Variants in MDN1 observed in about 807,000 individuals in gnomAD.
MDN1 encodes the protein midasin.
MDN1 carries 266 observed loss-of-function variants against 669.2 expected under a neutral mutation model. That is an observed-to-expected ratio of 0.40 (90% confidence interval 0.36 to 0.44). The LOEUF (loss-of-function observed/expected upper bound fraction) is 0.44. Ranked by LOEUF, MDN1 falls within the 20% of genes least tolerant of loss-of-function variation. MDN1 has a pLI of 1.00. For synonymous variants in MDN1, 2,385 were observed against 2,457.1 expected (o/e 0.97, Z 0.87); for missense variants, 5,940 against 6,754.0 (o/e 0.88, Z 4.22).
At chr6:89,701,845 TCTTATC>T in intron 54 of MDN1, 53 bp downstream of exon 54, 1 of 1,561,604 alleles carries the variant, frequency 6.4e-7, no homozygotes, top group Non-Finnish European at 8.7e-7. Flanking sequence ...CGGTTCCAAA[TCTTATC>T]CTTAACATCT....
Position 89,762,533 on chromosome 6 carries a change from G to A in MDN1, c.2145-3C>T. ...GCTTATGGTCCACCGGTTTATAACT[G>A]AAACAGACACAGGTAAATGTGATTC... On this transcript the variant is annotated splice_polypyrimidine_tract_variant and splice_region_variant and intron_variant, in intron 15 of 101. Coordinates refer to ENST00000369393, the MANE Select transcript of MDN1 (RefSeq NM_014611.3). 1 of 1,602,762 alleles carries A rather than the reference G, an allele frequency of 6.2e-7. No homozygotes were observed. The highest frequency in any genetic ancestry group is 8.5e-7 in the Non-Finnish European group (1 of 1,171,900).
chr6:89,725,166 A>G (rs1289350723), intron 38 of MDN1, 33 bp downstream of exon 38: 1 of 1,599,836 alleles, frequency 6.3e-7, no homozygotes, highest in Non-Finnish European at 8.6e-7. Context: ...CTCCGAGTCT[A>G]TCTTTGGTCT....
At chr6:89,762,989 T>C (rs78604631) in intron 15 of MDN1, among the ~76,000 whole-genome samples, 125 of 152,142 alleles carry the variant, frequency 8.2e-4, no homozygotes, top group African/African-American at 2.9e-3. Context: ...GAAGTAGAGG[T>C]TGCAGTAAGC....
At chr6:89,771,999 G>C (rs904551273) in intron 14 of MDN1, among the ~76,000 whole-genome samples, 2 of 152,088 alleles carry the variant, frequency 1.3e-5, no homozygotes, top group Non-Finnish European at 2.9e-5. Flanking sequence ...GAGCCACTGC[G>C]CCCAGCAATA....
At chr6:89,657,564 T>C (rs1379032679) in intron 90 of MDN1, among the ~76,000 whole-genome samples, 1 of 152,230 alleles carries the variant, frequency 6.6e-6, no homozygotes, top group Non-Finnish European at 1.5e-5. Flanking sequence ...AGGTATACAT[T>C]GCCTGAAGTC....
chr6:89,807,453 C>G (rs910004146), intron 1 of MDN1, among the ~76,000 whole-genome samples: 3 of 152,162 alleles, frequency 2.0e-5, no homozygotes, highest in Non-Finnish European at 4.4e-5. Flanking sequence ...AGTCAGCAGT[C>G]ATTTTTATCT....
chr6:89,761,472 T>C (rs1327442465), intron 17 of MDN1, among the ~76,000 whole-genome samples, 173 bp downstream of exon 17: 2 of 152,216 alleles, frequency 1.3e-5, no homozygotes, highest in Admixed American at 1.3e-4. Flanking sequence ...ATTTAAATAA[T>C]GATGGTGCTC....
intron 66 of MDN1, 123 bp from the exon 67 acceptor site, chr6:89,688,296 A>G: frequency 1.1e-6 from 1 of 900,150 alleles, no homozygotes; most frequent in Non-Finnish European, 1.7e-6. Flanking sequence ...ACCTCTGAAA[A>G]AAAAAACAGA....
chr6:89,772,778 C>G, intron 13 of MDN1, 57 bp from the exon 14 acceptor site: 1 of 1,577,982 alleles, frequency 6.3e-7, no homozygotes, highest in Non-Finnish European at 8.6e-7. Flanking sequence ...CCTAGTTTTG[C>G]TCTGGGAAAC....
At chr6:89,663,768 A>G (rs1031286562) in intron 85 of MDN1, among the ~76,000 whole-genome samples, 6 of 151,756 alleles carry the variant, frequency 4.0e-5, no homozygotes, top group African/African-American at 1.5e-4. Context: ...CCCCGTCTCT[A>G]CTAAAAATAC....
At chr6:89,803,600 G>A in intron 1 of MDN1, 46 bp from the exon 2 acceptor site, 1 of 1,049,612 alleles carries the variant, frequency 9.5e-7, no homozygotes, top group Non-Finnish European at 1.4e-6. Context: ...TTTTTTTTTT[G>A]AGACACAGTC....
In MDN1 at chr6:89,690,833, T is replaced by C; in HGVS notation, c.10589A>G (p.Glu3530Gly). 1 of 1,613,760 alleles carries C rather than the reference T, an allele frequency of 6.2e-7. No homozygotes were observed. Among genetic ancestry groups the C allele is most frequent in the Non-Finnish European group, 8.5e-7 (1 of 1,179,886 alleles). The change falls in exon 64 of 102, where the codon GAA (glutamate) becomes GGA (glycine). Residue 3530 changes from glutamate (E) to glycine (G), a missense_variant and splice_region_variant. By Grantham distance (98) the Glu-to-Gly change is moderately conservative. This residue lies in a region of MDN1 where 2,280 missense variants were observed against 2,576.3 expected (regional missense o/e 0.88). Coordinates refer to ENST00000369393, the MANE Select transcript of MDN1 (RefSeq NM_014611.3). ...ALQLFRHVCQ[E>G]IISEWDEQER... ...CTGCTCATCCCACTCACTGATGATT[T>C]CCTGAAAGTCACACAGACAGAAAGA...
At position 89,771,527 on chromosome 6, in the gene MDN1, C is replaced by T. The variant is rs745751172; in HGVS notation, c.2144+34G>A. Reference sequence around the variant, plus strand: ...TATTTCTTACCTCAAGCAATAAACACAAAAATAAGAAAAAAATTTTAAGCC... The same window carrying T: ...TATTTCTTACCTCAAGCAATAAACATAAAAATAAGAAAAAAATTTTAAGCC... On this transcript the variant is annotated intron_variant, in intron 15 of 101. Coordinates refer to ENST00000369393, the MANE Select transcript of MDN1 (RefSeq NM_014611.3). The T allele has an allele frequency of 3.2e-6, 5 of 1,581,486 alleles. No homozygotes were observed. In the Admixed American group the frequency reaches 5.1e-5, roughly 16 times the overall value.
At chr6:89,815,063 A>T in intron 1 of MDN1, 2 of 478,132 alleles carry the variant, frequency 4.2e-6, no homozygotes, top group Non-Finnish European at 4.0e-6. Context: ...AAGGGAGAGC[A>T]GTGTCTCCCC....
intron 83 of MDN1, among the ~76,000 whole-genome samples, chr6:89,670,170 A>ATTTTTTT (rs766450069): frequency 1.1e-3 from 26 of 23,346 alleles, no homozygotes; most frequent in Admixed American, 4.8e-3. Context: ...ATATATATAT[A>ATTTTTTT]TTTTTTTTTT....
Position 89,781,176 on chromosome 6 carries a change from G to A in MDN1, c.1643+223C>T, listed in dbSNP as rs146468047. ...ACATTACCCTAATCGAGCCTTCCCA[G>A]TCATTAATTATAAATCTGAAAAAGG... On this transcript the variant is annotated intron_variant, in intron 10 of 101. Coordinates refer to ENST00000369393, the MANE Select transcript of MDN1 (RefSeq NM_014611.3). 3.7e-4 allele frequency: 212 copies of A among 568,392 alleles called. 1 individual carries two copies. The East Asian group carries it at 6.3e-3, about 17-fold the overall frequency. The allele number at this position is 568,392 out of a possible 1,614,324, so 35.2% of individuals were successfully genotyped here. A position where few individuals can be genotyped will look rare whatever the true frequency, so the allele number is the denominator to read the frequency against.
intron 17 of MDN1, among the ~76,000 whole-genome samples, chr6:89,759,350 T>C (rs938940380): frequency 6.6e-6 from 1 of 152,240 alleles, no homozygotes; most frequent in African/African-American, 2.4e-5. Context: ...GTGATTGTCA[T>C]ACACTGCCTT....
chr6:89,767,699 T>A (rs1817868720), intron 15 of MDN1, among the ~76,000 whole-genome samples: 1 of 152,110 alleles, frequency 6.6e-6, no homozygotes, highest in Non-Finnish European at 1.5e-5. Flanking sequence ...GGCGTTGTAG[T>A]GAGCCAAGAT....
intron 64 of MDN1, 87 bp downstream of exon 64, chr6:89,690,585 TA>T: frequency 6.7e-7 from 1 of 1,490,712 alleles, no homozygotes; most frequent in Non-Finnish European, 9.2e-7. Flanking sequence ...GAGAGAGAGA[TA>T]AAGAGGAAGA....
Sources: allele counts gnomAD v4.1 joint callset (sites outside exome capture counted in the v4.1 genomes callset), GRCh38; gene constraint gnomAD v4.1.1; regional missense constraint gnomAD v4.1.1; transcripts MANE v1.5; gene names NCBI Gene and HGNC (gene_info 2026-07-23, HGNC 2026-07-21).